Variants in IDE observed in about 807,000 individuals in gnomAD.
The protein encoded by IDE is insulin-degrading enzyme.
Under a neutral mutation model 133.2 loss-of-function variants are expected in IDE, and 58 were observed. The ratio of observed to expected loss-of-function variants is 0.44; its 90% CI spans 0.35 to 0.54. The LOEUF is 0.54. Ranked by LOEUF, IDE falls within the 20% of genes least tolerant of loss-of-function variation. The pLI is 0.00. For missense variants in IDE, 981 were observed against 1,234.0 expected (o/e 0.79, Z 3.07); for synonymous variants, 396 against 421.3 (o/e 0.94, Z 0.73).
chr10:92,570,463 A>C (rs7097014), intron 1 of IDE, among the ~76,000 whole-genome samples: 129,124 of 152,174 alleles, frequency 0.85, 55,067 homozygotes, highest in African/African-American at 0.93. Flanking sequence ...GACAAGCCAA[A>C]TGAGAAGGCT....
chr10:92,506,573 C>CTTTTT, intron 9 of IDE, 51 bp from the exon 10 acceptor site: 1 of 683,626 alleles, frequency 1.5e-6, no homozygotes, highest in Non-Finnish European at 2.5e-6. Flanking sequence ...ATTTAGAAAC[C>CTTTTT]TTTTTTTTTT....
chr10:92,491,072 A>T (rs1448282493), intron 11 of IDE, among the ~76,000 whole-genome samples: 1 of 151,956 alleles, frequency 6.6e-6, no homozygotes, highest in African/African-American at 2.4e-5. Context: ...ACCCGTCTCT[A>T]CAAAAAATTG....
chr10:92,481,009 A>G (rs987313697), intron 14 of IDE: 3 of 461,462 alleles, frequency 6.5e-6, no homozygotes, highest in Non-Finnish European at 8.5e-6. Context: ...ATATTCTCCA[A>G]CTGGAAAATC....
chr10:92,510,788 C>CATAG (rs61038110), intron 5 of IDE, among the ~76,000 whole-genome samples: 1 of 148,182 alleles, frequency 6.7e-6, no homozygotes, highest in East Asian at 2.0e-4. Flanking sequence ...ATACATCTCA[C>CATAG]ATGATATATA....
At chr10:92,509,140 C>T (rs1166432845) in intron 6 of IDE, among the ~76,000 whole-genome samples, 2 of 152,134 alleles carry the variant, frequency 1.3e-5, no homozygotes, top group Non-Finnish European at 2.9e-5. Flanking sequence ...GTTTTGAATG[C>T]TTATCTTCAG....
At chr10:92,536,838 G>C (rs184555428) in intron 2 of IDE, among the ~76,000 whole-genome samples, 4 of 152,186 alleles carry the variant, frequency 2.6e-5, no homozygotes, top group African/African-American at 7.2e-5. Context: ...AAGAGATCGA[G>C]ACCATCCTGG....
Position 92,530,274 on chromosome 10 carries a change from T to A in IDE, c.661+1474A>T, listed in dbSNP as rs142400296. Among the ~76,000 whole-genome samples the A allele has an allele frequency of 7.5e-3, 1,135 of 150,788 alleles. 15 individuals are homozygous for A. The highest frequency in any genetic ancestry group is 0.026 in the African/African-American group (1,084 of 41,326). ...TAAATAAATAACCATTTGAATGTAA[T>A]GCTTTTGAAAAAACAAAAAAAAAGT... On this transcript the variant is annotated intron_variant, in intron 4 of 24. Coordinates refer to ENST00000265986, the MANE Select transcript of IDE (RefSeq NM_004969.4).
intron 11 of IDE, chr10:92,497,595 A>T: frequency 3.4e-6 from 1 of 291,972 alleles, no homozygotes; most frequent in Non-Finnish European, 5.1e-6. Flanking sequence ...TTTCATTCTT[A>T]AGAGTTTCCT....
rs1848393382 is a variant in IDE, at chr10:92,508,125, C to T, written c.1141G>A (p.Glu381Lys). The T allele has an allele frequency of 3.1e-6, 5 of 1,610,400 alleles. No individual in the cohort carries two copies. Among genetic ancestry groups the T allele is most frequent in the East Asian group, 2.2e-5 (1 of 44,868 alleles). Residue 381 changes from glutamate to lysine, a missense_variant, in exon 8 of 25, where the codon GAG (glutamate) becomes AAG (lysine). Transcript: ENST00000265986. ...AATCAATACTTACATAATCCTTCCT[C>T]GGTCAAGTCCACATTAATGATAAAA... ...MFFIINVDLT[E>K]EGLLHVEDII...
At chr10:92,523,435 T>C (rs1296130262) in intron 4 of IDE, among the ~76,000 whole-genome samples, 1 of 149,862 alleles carries the variant, frequency 6.7e-6, no homozygotes, top group East Asian at 2.0e-4. Context: ...CTGGGCACAG[T>C]GGCTCACACC....
chr10:92,504,064 T>A (rs1848169844), intron 11 of IDE, among the ~76,000 whole-genome samples: 1 of 151,972 alleles, frequency 6.6e-6, no homozygotes, highest in Admixed American at 6.6e-5. Context: ...ACATTGTTGA[T>A]CTTATTCATA....
intron 4 of IDE, among the ~76,000 whole-genome samples, chr10:92,517,463 A>T (rs1848990976): frequency 1.3e-5 from 2 of 152,200 alleles, no homozygotes; most frequent in African/African-American, 4.8e-5. Flanking sequence ...GCTAGACTGC[A>T]GTGGTGTAAT....
chr10:92,529,706 C>T (rs1226129444), intron 4 of IDE, among the ~76,000 whole-genome samples: 2 of 152,078 alleles, frequency 1.3e-5, no homozygotes, highest in South Asian at 2.1e-4. Context: ...GAGACCCCAC[C>T]TCTACAGGAA....
chr10:92,517,156 T>C (rs758277587), intron 4 of IDE, among the ~76,000 whole-genome samples: 1 of 152,168 alleles, frequency 6.6e-6, no homozygotes, highest in Non-Finnish European at 1.5e-5. Flanking sequence ...ACTGGGAAAG[T>C]CCCTCTTTCA....
rs1564648015 is a variant in IDE at position 92,524,449 on chromosome 10, AT to A, written c.661+7298del. ...TAATATATTTTATATAATATATTTT[AT>A]ATATTATATATTTTATATAATATAT... On this transcript the variant is annotated intron_variant, in intron 4 of 24. Transcript: ENST00000265986. Among the ~76,000 whole-genome samples, 32 of 27,500 alleles carry A rather than the reference AT, an allele frequency of 1.2e-3. 6 individuals carry two copies. The highest frequency in any genetic ancestry group is 1.6e-3 in the Non-Finnish European group (26 of 15,800). The allele number at this position is 27,500 out of a possible 152,430, so 18.0% of individuals were successfully genotyped here.
intron 5 of IDE, among the ~76,000 whole-genome samples, chr10:92,514,611 A>AT (rs1054763015): frequency 6.6e-6 from 1 of 151,806 alleles, no homozygotes; most frequent in Non-Finnish European, 1.5e-5. Context: ...ATTTAAAAAA[A>AT]TTTTTTTTGG....
At chr10:92,485,189 G>A (rs1846912711) in intron 13 of IDE, among the ~76,000 whole-genome samples, 2 of 136,704 alleles carry the variant, frequency 1.5e-5, no homozygotes, top group South Asian at 2.3e-4. Flanking sequence ...GTGCAATGGC[G>A]TGATCTCGGC....
At chr10:92,559,070 GAC>G (rs1330837465) in intron 1 of IDE, 1 of 151,984 alleles carries the variant, frequency 6.6e-6, no homozygotes. Flanking sequence ...ATTCCAATGA[GAC>G]ACCACTTCAT....
At chr10:92,465,152 T>C (rs1312481080) in intron 20 of IDE, among the ~76,000 whole-genome samples, 1 of 152,216 alleles carries the variant, frequency 6.6e-6, no homozygotes, top group African/African-American at 2.4e-5. Context: ...GAGAGACTCA[T>C]CCTTTTTTCA....
Sources: allele counts gnomAD v4.1 joint callset (sites outside exome capture counted in the v4.1 genomes callset), GRCh38; gene constraint gnomAD v4.1.1; transcripts MANE v1.5; gene names NCBI Gene and HGNC (gene_info 2026-07-23, HGNC 2026-07-21).